Variants in APBA2 observed in about 807,000 individuals in gnomAD.
APBA2 encodes the protein amyloid-beta A4 precursor protein-binding family A member 2.
A neutral mutation model predicts 75.0 loss-of-function variants in APBA2; 30 were observed. The observed-to-expected ratio is 0.40, with a 90% CI of 0.30 to 0.54. APBA2 has a LOEUF of 0.54. APBA2 is among the 20% of genes least tolerant of loss of function. APBA2 has a pLI of 0.49. For synonymous variants in APBA2, 444 were observed against 409.6 expected (o/e 1.08, Z -1.01); for missense variants, 801 against 1,016.1 (o/e 0.79, Z 2.88).
chr15:28,999,053 C>T (rs555555807), intron 3 of APBA2, among the ~76,000 whole-genome samples: 1 of 151,664 alleles, frequency 6.6e-6, no homozygotes, highest in African/African-American at 2.4e-5. Flanking sequence ...GAGGCTGAGG[C>T]AGGAGAATTG....
chr15:28,971,043 C>T (rs745720965), intron 2 of APBA2, among the ~76,000 whole-genome samples: 5 of 152,162 alleles, frequency 3.3e-5, no homozygotes, highest in Non-Finnish European at 5.9e-5. Context: ...GGCAGTAATC[C>T]GCACGCCCAT....
At chr15:29,055,069 G>A (rs1314993251) in intron 4 of APBA2, among the ~76,000 whole-genome samples, 1 of 152,214 alleles carries the variant, frequency 6.6e-6, no homozygotes, top group Admixed American at 6.5e-5. Context: ...GGGCTGAGTG[G>A]CAACTCGTGT....
intron 2 of APBA2, among the ~76,000 whole-genome samples, chr15:28,952,333 C>G (rs1190307434): frequency 6.6e-6 from 1 of 151,924 alleles, no homozygotes; most frequent in African/African-American, 2.4e-5. Context: ...AGTTCAAGAA[C>G]AGTCTGGGTA....
intron 2 of APBA2, among the ~76,000 whole-genome samples, chr15:28,947,808 T>C (rs1240474639): frequency 6.6e-6 from 1 of 152,244 alleles, no homozygotes; most frequent in Non-Finnish European, 1.5e-5. Context: ...CAGGACTACA[T>C]ACTACCTCAT....
intron 9 of APBA2, among the ~76,000 whole-genome samples, chr15:29,100,405 T>C (rs1346200957): frequency 1.3e-5 from 2 of 152,180 alleles, no homozygotes; most frequent in Non-Finnish European, 2.9e-5. Flanking sequence ...AGAAATGAGG[T>C]CCAGAGGTTG....
chr15:28,904,298 C>T (rs1338863615), intron 1 of APBA2, among the ~76,000 whole-genome samples: 2 of 152,182 alleles, frequency 1.3e-5, no homozygotes, highest in African/African-American at 2.4e-5. Flanking sequence ...GGAGCACTTT[C>T]CACACTCATG....
chr15:28,919,145 C>T (rs949448099), intron 1 of APBA2, among the ~76,000 whole-genome samples: 1 of 152,198 alleles, frequency 6.6e-6, no homozygotes, highest in Non-Finnish European at 1.5e-5. Context: ...CAGGCGTGAG[C>T]CACTGCGCCC....
intron 7 of APBA2, among the ~76,000 whole-genome samples, chr15:29,093,587 T>C (rs1467408205): frequency 2.0e-5 from 3 of 152,260 alleles, no homozygotes; most frequent in Non-Finnish European, 4.4e-5. Flanking sequence ...AATCACGTTT[T>C]ATTTAAATTC....
intron 1 of APBA2, among the ~76,000 whole-genome samples, chr15:28,908,750 A>C (rs1444851054): frequency 1.3e-5 from 2 of 152,212 alleles, no homozygotes; most frequent in Non-Finnish European, 2.9e-5. Flanking sequence ...CATCAAGGAT[A>C]TCTTAATATT....
intron 3 of APBA2, among the ~76,000 whole-genome samples, chr15:29,038,214 C>T (rs988730639): frequency 5.9e-5 from 9 of 152,162 alleles, no homozygotes; most frequent in South Asian, 2.1e-4. Context: ...GTCTCCTCTT[C>T]GTTTTGGTGT....
intron 14 of APBA2, among the ~76,000 whole-genome samples, chr15:29,116,623 G>A (rs550435016): frequency 7.7e-5 from 11 of 142,558 alleles, no homozygotes; most frequent in South Asian, 4.4e-4. Context: ...GCAAGACTCC[G>A]TCTCAAAAAA....
chr15:29,050,192 A>G (rs1042228054), intron 3 of APBA2, among the ~76,000 whole-genome samples: 9 of 152,232 alleles, frequency 5.9e-5, no homozygotes, highest in Admixed American at 5.2e-4. Context: ...TAAAATGCAC[A>G]TCTGCGAGAC....
intron 2 of APBA2, among the ~76,000 whole-genome samples, chr15:28,940,430 G>A (rs1300979557): frequency 2.1e-5 from 3 of 142,732 alleles, no homozygotes; most frequent in South Asian, 2.3e-4. Flanking sequence ...CAGCTACTCC[G>A]AAGGCTGAGA....
intron 3 of APBA2, among the ~76,000 whole-genome samples, chr15:29,014,708 T>G (rs1206822273): frequency 6.6e-6 from 1 of 151,218 alleles, no homozygotes; most frequent in African/African-American, 2.4e-5. Context: ...TTGACTGTTT[T>G]TTTTTTTTTT....
intron 3 of APBA2, among the ~76,000 whole-genome samples, chr15:29,025,622 T>C (rs899206244): frequency 5.1e-4 from 77 of 151,806 alleles, no homozygotes; most frequent in Non-Finnish European, 1.9e-4. Flanking sequence ...CGGATGGTGG[T>C]GGATTGGACC....
At chr15:28,998,161 AC>A (rs2038635685) in intron 3 of APBA2, among the ~76,000 whole-genome samples, 1 of 151,314 alleles carries the variant, frequency 6.6e-6, no homozygotes, top group South Asian at 2.1e-4. Flanking sequence ...GCTTCCACTT[AC>A]AGGAAAAGTT....
At chr15:29,111,191 G>C (rs759364230) in intron 13 of APBA2, among the ~76,000 whole-genome samples, 2 of 152,040 alleles carry the variant, frequency 1.3e-5, no homozygotes. Context: ...TCTGAGTTCC[G>C]GAGTGATGGA....
At chr15:29,090,199 G>C (rs2152947008) in intron 6 of APBA2, among the ~76,000 whole-genome samples, 1 of 152,310 alleles carries the variant, frequency 6.6e-6, no homozygotes, top group Admixed American at 6.5e-5. Context: ...GGCAGAGGTG[G>C]GTGGTGGCTG....
chr15:29,002,940 AG>A (rs1278497830), intron 3 of APBA2, among the ~76,000 whole-genome samples: 1 of 152,072 alleles, frequency 6.6e-6, no homozygotes, highest in Non-Finnish European at 1.5e-5. Context: ...TCTGCGAGAG[AG>A]GGGGAAGACG....
Sources: allele counts gnomAD v4.1 joint callset (sites outside exome capture counted in the v4.1 genomes callset), GRCh38; gene constraint gnomAD v4.1.1; transcripts MANE v1.5; gene names NCBI Gene and HGNC (gene_info 2026-07-23, HGNC 2026-07-21).